The following SHANK2 variants were observed in gnomAD, a reference collection of about 807,000 sequenced individuals.
SHANK2 encodes SH3 and multiple ankyrin repeat domains 2.
SHANK2 carries 43 observed loss-of-function variants against 133.7 expected under a neutral mutation model. That is an observed-to-expected ratio of 0.32 (90% confidence interval 0.25 to 0.41). SHANK2 has a LOEUF of 0.41. SHANK2 is among the 10% of genes least tolerant of loss of function. The pLI, the probability that SHANK2 is intolerant of heterozygous loss-of-function variation, is 1.00. For missense variants in SHANK2, 1,994 were observed against 2,235.8 expected (o/e 0.89, Z 2.18); for synonymous variants, 1,017 against 952.8 (o/e 1.07, Z -1.24).
intron 17 of SHANK2, among the ~76,000 whole-genome samples, chr11:70,597,739 G>T (rs2060420571): frequency 2.0e-5 from 3 of 152,202 alleles, no homozygotes; most frequent in South Asian, 4.1e-4. Context: ...TGGGCAGAAT[G>T]GTGGGCACCT....
intron 17 of SHANK2, among the ~76,000 whole-genome samples, chr11:70,549,411 TG>T (rs1554977256): frequency 6.6e-6 from 1 of 152,214 alleles, no homozygotes; most frequent in Non-Finnish European, 1.5e-5. Context: ...AAGCTCCCGA[TG>T]GCCGAGAAAG....
intron 10 of SHANK2, among the ~76,000 whole-genome samples, chr11:70,947,132 AACACAC>A (rs144004521): frequency 0.21 from 26,779 of 126,004 alleles, 2,593 homozygotes; most frequent in East Asian, 0.24. Context: ...GCACCTCTCC[AACACAC>A]ACACACACAC....
At chr11:71,251,583 C>G (rs554766560) in intron 1 of SHANK2, among the ~76,000 whole-genome samples, 1 of 151,486 alleles carries the variant, frequency 6.6e-6, no homozygotes, top group African/African-American at 2.4e-5. Flanking sequence ...GATGCCCGGG[C>G]GAAAGTTGCC....
chr11:70,679,704 G>A (rs1424815994), intron 15 of SHANK2, among the ~76,000 whole-genome samples: 1 of 152,240 alleles, frequency 6.6e-6, no homozygotes, highest in African/African-American at 2.4e-5. Flanking sequence ...GGCCTGGAAC[G>A]GTGTCTGGCG....
At chr11:70,905,309 C>T (rs1950084571) in intron 10 of SHANK2, among the ~76,000 whole-genome samples, 1 of 152,218 alleles carries the variant, frequency 6.6e-6, no homozygotes, top group African/African-American at 2.4e-5. Flanking sequence ...AAATACCTCC[C>T]TGGGCTCAAG....
intron 15 of SHANK2, among the ~76,000 whole-genome samples, chr11:70,695,194 T>G (rs1487228945): frequency 2.0e-5 from 3 of 151,924 alleles, no homozygotes; most frequent in African/African-American, 7.2e-5. Flanking sequence ...GCAGACAGAG[T>G]TCCAACTTTG....
intron 10 of SHANK2, among the ~76,000 whole-genome samples, chr11:70,926,073 G>A (rs1202802222): frequency 2.6e-5 from 4 of 152,104 alleles, no homozygotes; most frequent in Non-Finnish European, 4.4e-5. Context: ...AGGAGTTTGA[G>A]ACCAGCCTGG....
chr11:71,074,675 G>A (rs1214740926), intron 9 of SHANK2, among the ~76,000 whole-genome samples: 6 of 152,058 alleles, frequency 3.9e-5, no homozygotes, highest in South Asian at 2.1e-4. Flanking sequence ...TGGTTTGGGT[G>A]AGGGCCACTA....
At chr11:70,635,080 T>C (rs1309778178) in intron 17 of SHANK2, 1 of 152,206 alleles carries the variant, frequency 6.6e-6, no homozygotes, top group African/African-American at 2.4e-5. Context: ...GTGGGGAAAC[T>C]GGAGCCCTTG....
chr11:70,898,577 T>C (rs1949975554), intron 10 of SHANK2, among the ~76,000 whole-genome samples: 1 of 152,318 alleles, frequency 6.6e-6, no homozygotes. Flanking sequence ...AACTGTGTTC[T>C]AGTATTTTTG....
At chr11:70,741,279 C>CCATCCATT (rs1946520871) in intron 14 of SHANK2, among the ~76,000 whole-genome samples, 1 of 143,604 alleles carries the variant, frequency 7.0e-6, no homozygotes, top group East Asian at 2.0e-4. Context: ...ATCCATCCAT[C>CCATCCATT]CATTCATCCA....
chr11:70,719,022 C>G (rs1348461121), intron 14 of SHANK2, among the ~76,000 whole-genome samples: 1 of 152,156 alleles, frequency 6.6e-6, no homozygotes, highest in African/African-American at 2.4e-5. Flanking sequence ...AAGAAGGGTG[C>G]CTGGCATACA....
chr11:70,486,888 C>T lies in SHANK2; in HGVS notation c.3405G>A (p.Glu1135=). 6.2e-7 allele frequency: 1 copy of T among 1,612,710 alleles called. No individual in the cohort carries two copies. The highest frequency in any genetic ancestry group is 8.5e-7 in the Non-Finnish European group (1 of 1,179,882). ...MFPEEGDFAD[E]DSAEQLSSPM... The stretch of plus-strand genomic sequence containing the variant: ...GGGATGACAGCTGCTCAGCGCTGTC[C>T]TCGTCAGCAAAATCCCCCTCCTCGG... The change falls in exon 25 of 26, where the codon GAG becomes GAA. Residue 1135 remains glutamate, a synonymous_variant. Coordinates refer to ENST00000601538, the MANE Select transcript of SHANK2 (RefSeq NM_012309.5). This position sits in a 1 kb window ranked among gnomAD's most constrained non-coding sequence, Gnocchi z 8.0.
chr11:70,717,094 A>G (rs1216991836), intron 14 of SHANK2, among the ~76,000 whole-genome samples: 1 of 152,204 alleles, frequency 6.6e-6, no homozygotes, highest in East Asian at 1.9e-4. Flanking sequence ...TGGTTAAAAC[A>G]ACAACGGAAA....
chr11:70,924,773 A>G (rs782542620), intron 10 of SHANK2, among the ~76,000 whole-genome samples: 1 of 152,168 alleles, frequency 6.6e-6, no homozygotes, highest in South Asian at 2.1e-4. Flanking sequence ...CTGATACTTG[A>G]TAAGGGTTTT....
At chr11:70,781,151 C>T (rs1201270033) in intron 14 of SHANK2, among the ~76,000 whole-genome samples, 3 of 150,592 alleles carry the variant, frequency 2.0e-5, no homozygotes, top group African/African-American at 7.4e-5. Context: ...TGTGAGACCC[C>T]GGACCGGTTG....
At chr11:71,210,991 C>T (rs975240376) in intron 2 of SHANK2, among the ~76,000 whole-genome samples, 53 of 152,098 alleles carry the variant, frequency 3.5e-4, no homozygotes, top group Non-Finnish European at 3.1e-4. Context: ...CCATCTGCAC[C>T]GCTGACAGGA....
chr11:70,781,558 T>TTATTTATATATATATA (rs71049941), intron 14 of SHANK2, among the ~76,000 whole-genome samples: 1,636 of 29,000 alleles, frequency 0.056, 104 homozygotes, highest in Middle Eastern at 0.24. Flanking sequence ...TACTTACTTA[T>TTATTTATATATATATA]TATATATATA....
At chr11:71,241,356 C>A (rs1159287802) in intron 1 of SHANK2, among the ~76,000 whole-genome samples, 1 of 152,114 alleles carries the variant, frequency 6.6e-6, no homozygotes, top group African/African-American at 2.4e-5. Context: ...AAGGAAACAT[C>A]AAGGCAAAGC....
Sources: gnomAD v4.1 joint callset for allele counts (sites outside exome capture counted in the v4.1 genomes callset) on GRCh38, gnomAD v4.1.1 for gene constraint, Gnocchi (gnomAD v3.1) non-coding constraint, MANE v1.5 for transcripts, NCBI Gene and HGNC (gene_info 2026-07-23, HGNC 2026-07-21) for gene names.